FBXW7: variants seen among roughly 807,000 people sequenced by gnomAD.
FBXW7 encodes F-box and WD repeat domain containing 7, also known as F-box/WD repeat-containing protein 7.
In FBXW7, 11 loss-of-function variants were observed where a neutral mutation model predicts 86.3. The ratio of observed to expected loss-of-function variants is 0.13; its 90% CI spans 0.08 to 0.21. The LOEUF (loss-of-function observed/expected upper bound fraction) is 0.21. Among genes scored for constraint, FBXW7 ranks in the 10% least tolerant of loss-of-function variants. The probability of loss-of-function intolerance (pLI) is 1.00; values close to 1 mark genes in which losing one functional copy is unlikely to be tolerated. For missense variants in FBXW7, 488 were observed against 847.4 expected (o/e 0.58, Z 5.27); for synonymous variants, 313 against 297.9 (o/e 1.05, Z -0.52).
chr4:152,393,037 A>G (rs1327230482), intron 4 of FBXW7, among the ~76,000 whole-genome samples: 1 of 152,200 alleles, frequency 6.6e-6, no homozygotes, highest in Non-Finnish European at 1.5e-5. Flanking sequence ...CAGATGACAA[A>G]TAAGGCAAGT....
At chr4:152,404,224 C>T (rs145280763) in intron 4 of FBXW7, among the ~76,000 whole-genome samples, 1 of 152,108 alleles carries the variant, frequency 6.6e-6, no homozygotes, top group Non-Finnish European at 1.5e-5. Flanking sequence ...TTTATCCAAT[C>T]CTCCATTAGG....
chr4:152,519,629 G>A (rs779056557), intron 2 of FBXW7, among the ~76,000 whole-genome samples: 1 of 152,128 alleles, frequency 6.6e-6, no homozygotes, highest in Non-Finnish European at 1.5e-5. Flanking sequence ...AAAAAATGAG[G>A]GTTAATGCAA....
At chr4:152,460,220 G>A (rs905230857) in intron 2 of FBXW7, among the ~76,000 whole-genome samples, 4 of 152,070 alleles carry the variant, frequency 2.6e-5, no homozygotes, top group African/African-American at 9.7e-5. Context: ...GATATACCAT[G>A]TTCATAAGTT....
intron 4 of FBXW7, among the ~76,000 whole-genome samples, chr4:152,395,911 CAATATATTTTAAAGATT>C (rs1736384594): frequency 6.6e-6 from 1 of 151,868 alleles, no homozygotes. Context: ...ATCTGGACAC[CAATATATTTTAAAGATT>C]AAGAAATATC....
intron 7 of FBXW7, 150 bp downstream of exon 7, chr4:152,337,652 T>C: frequency 1.4e-6 from 1 of 693,172 alleles, no homozygotes; most frequent in East Asian, 2.8e-5. Flanking sequence ...CATGGCAATT[T>C]ATCAATTTAC....
At chr4:152,351,402 A>G (rs1284270214) in intron 4 of FBXW7, among the ~76,000 whole-genome samples, 1 of 152,058 alleles carries the variant, frequency 6.6e-6, no homozygotes. Flanking sequence ...TGCCATACCT[A>G]CTGGAAAGAA....
In FBXW7 at chr4:152,324,420, T is replaced by C. The variant is rs371077307; in HGVS notation, c.1645-26A>G. 9.2e-6 allele frequency: 14 copies of C among 1,522,990 alleles called. No individual in the cohort carries two copies. In the African/African-American group the frequency reaches 1.1e-4, roughly 12 times the overall value. The allele number at this position is 1,522,990 out of a possible 1,614,324, so 94.3% of individuals were successfully genotyped here. A position where few individuals can be genotyped will look rare whatever the true frequency, so the allele number is the denominator to read the frequency against. On this transcript the variant is annotated intron_variant, in intron 12 of 13. Transcript: ENST00000281708. ...CTACAAAAGACACAGTTTATTAGAATAGAAGTATGGATACTCTTCCTATCA... is the reference window on the plus strand; with the variant it reads ...CTACAAAAGACACAGTTTATTAGAACAGAAGTATGGATACTCTTCCTATCA...
intron 6 of FBXW7, among the ~76,000 whole-genome samples, chr4:152,340,575 C>CAAAAAA (rs556530800): frequency 4.7e-4 from 15 of 31,830 alleles, no homozygotes; most frequent in East Asian, 1.8e-3. Context: ...AACTCCATCT[C>CAAAAAA]AAAAAAAAAA....
intron 2 of FBXW7, among the ~76,000 whole-genome samples, chr4:152,460,443 G>A (rs948406259): frequency 4.6e-5 from 7 of 152,182 alleles, no homozygotes; most frequent in South Asian, 2.1e-4. Flanking sequence ...TCCTCCTGTA[G>A]ATGGTACTTG....
intron 5 of FBXW7, chr4:152,348,713 C>T: frequency 8.5e-7 from 1 of 1,177,762 alleles, no homozygotes; most frequent in Non-Finnish European, 1.1e-6. Flanking sequence ...AAGACTGATA[C>T]ATTTAAAAAA....
At chr4:152,357,902 C>T (rs1441505975) in intron 4 of FBXW7, among the ~76,000 whole-genome samples, 1 of 152,010 alleles carries the variant, frequency 6.6e-6, no homozygotes, top group East Asian at 1.9e-4. Flanking sequence ...GGGTTTTATT[C>T]GCTCCTCTAA....
intron 4 of FBXW7, among the ~76,000 whole-genome samples, chr4:152,358,795 G>A (rs1011880583): frequency 6.6e-6 from 1 of 152,136 alleles, no homozygotes; most frequent in Non-Finnish European, 1.5e-5. Context: ...AACAGAAAAT[G>A]CCTAGCACAT....
At chr4:152,352,334 T>C in intron 4 of FBXW7, 1 of 947,288 alleles carries the variant, frequency 1.1e-6, no homozygotes, top group Non-Finnish European at 1.6e-6. Context: ...ATTCATGATA[T>C]AAAACAGAAT....
At chr4:152,344,131 T>C (rs1282873782) in intron 6 of FBXW7, among the ~76,000 whole-genome samples, 1 of 152,152 alleles carries the variant, frequency 6.6e-6, no homozygotes, top group Non-Finnish European at 1.5e-5. Context: ...CTCAACTCTC[T>C]CACATAGGTC....
chr4:152,336,724 A>T (rs1730159342), intron 7 of FBXW7, among the ~76,000 whole-genome samples: 1 of 152,054 alleles, frequency 6.6e-6, no homozygotes, highest in Admixed American at 6.5e-5. Context: ...TCAGTAGAAA[A>T]CACATTTTAG....
chr4:152,462,024 G>A (rs1579268053), intron 2 of FBXW7, among the ~76,000 whole-genome samples: 1 of 152,308 alleles, frequency 6.6e-6, no homozygotes, highest in Middle Eastern at 3.4e-3. Flanking sequence ...GTTAAGTGAG[G>A]ACTTACTGTG....
At chr4:152,445,806 A>C (rs1379253600) in intron 2 of FBXW7, among the ~76,000 whole-genome samples, 2 of 149,848 alleles carry the variant, frequency 1.3e-5, no homozygotes, top group African/African-American at 4.9e-5. Context: ...GCTACTTGGG[A>C]GGCTGAGGCA....
intron 2 of FBXW7, among the ~76,000 whole-genome samples, chr4:152,458,682 G>T (rs1034750388): frequency 6.6e-6 from 1 of 152,182 alleles, no homozygotes; most frequent in Non-Finnish European, 1.5e-5. Flanking sequence ...ACCTTTCAGA[G>T]AATCAAACAG....
intron 2 of FBXW7, among the ~76,000 whole-genome samples, chr4:152,455,313 T>G (rs965276822): frequency 6.6e-6 from 1 of 152,174 alleles, no homozygotes; most frequent in Non-Finnish European, 1.5e-5. Flanking sequence ...AACTTTCTGT[T>G]ACAATCTAAA....
Sources: allele counts gnomAD v4.1 joint callset (sites outside exome capture counted in the v4.1 genomes callset), GRCh38; gene constraint gnomAD v4.1.1; transcripts MANE v1.5; gene names NCBI Gene and HGNC (gene_info 2026-07-23, HGNC 2026-07-21).